DNAH8: variants seen among roughly 807,000 people sequenced by gnomAD.
DNAH8 encodes the protein axonemal beta dynein heavy chain 8.
DNAH8 carries 382 observed loss-of-function variants against 562.1 expected under a neutral mutation model. That is an observed-to-expected ratio of 0.68 (90% CI 0.63 to 0.74). DNAH8 has a LOEUF of 0.74. Ranked by LOEUF, DNAH8 falls within the 30% of genes least tolerant of loss-of-function variation. DNAH8 has a pLI of 0.00. For missense variants in DNAH8, 5,203 were observed against 5,620.4 expected, an observed-to-expected ratio of 0.93 and a Z score of 2.37; for synonymous variants, 1,881 against 1,919.4, an observed-to-expected ratio of 0.98 and a Z score of 0.52.
intron 11 of DNAH8, among the ~76,000 whole-genome samples, chr6:38,762,441 T>C (rs930447699): frequency 2.6e-5 from 4 of 152,216 alleles, no homozygotes; most frequent in African/African-American, 9.6e-5. Context: ...GTGGTGTAAT[T>C]ATCTTTTTAA....
intron 15 of DNAH8, 66 bp from the exon 16 acceptor site, chr6:38,781,188 T>C: frequency 6.6e-7 from 1 of 1,506,038 alleles, no homozygotes. Flanking sequence ...CAAATATAGC[T>C]GTATATATTT....
chr6:38,751,863 T>C (rs1765486389), intron 9 of DNAH8, among the ~76,000 whole-genome samples: 1 of 152,214 alleles, frequency 6.6e-6, no homozygotes, highest in Non-Finnish European at 1.5e-5. Flanking sequence ...TGTAAATCAT[T>C]TGTAGGCAGG....
chr6:38,779,405 C>T (rs193042401), intron 14 of DNAH8, among the ~76,000 whole-genome samples: 1 of 152,314 alleles, frequency 6.6e-6, no homozygotes, highest in African/African-American at 2.4e-5. Context: ...CTCTCTCTCT[C>T]TCTTTTTACC....
At chr6:39,007,939 C>A (rs78557337) in intron 88 of DNAH8, among the ~76,000 whole-genome samples, 1 of 79,062 alleles carries the variant, frequency 1.3e-5, no homozygotes, top group East Asian at 3.3e-4. Context: ...GCCCCACCCC[C>A]CACCCACCCA....
At chr6:38,962,659 T>C (rs975288566) in intron 82 of DNAH8, among the ~76,000 whole-genome samples, 27 of 152,232 alleles carry the variant, frequency 1.8e-4, no homozygotes, top group African/African-American at 6.3e-4. Flanking sequence ...AAATAAACTA[T>C]AAAACAAGAA....
chr6:38,802,214 G>A (rs1770840545), intron 21 of DNAH8, among the ~76,000 whole-genome samples: 1 of 151,990 alleles, frequency 6.6e-6, no homozygotes, highest in South Asian at 2.1e-4. Context: ...AGGATTACAG[G>A]TATGAGCCAC....
rs959744646 is a variant in DNAH8, at chr6:38,896,325, G to A, written c.8940+100G>A. 15 of 996,558 alleles carry A rather than the reference G, an allele frequency of 1.5e-5. No homozygotes were observed. In the East Asian group the frequency reaches 3.6e-4, roughly 24 times the overall value. The allele number at this position is 996,558 out of a possible 1,614,324, so 61.7% of individuals were successfully genotyped here. Reference sequence around the variant, plus strand: ...CTACCATGGAGTTGCTATAATTCCAGCACTTTGGGAGGCTGAGGTGGGAGG... The same window carrying A: ...CTACCATGGAGTTGCTATAATTCCAACACTTTGGGAGGCTGAGGTGGGAGG... On this transcript the variant is annotated intron_variant, in intron 60 of 92. Coordinates refer to ENST00000327475, the MANE Select transcript of DNAH8 (RefSeq NM_001206927.2).
intron 21 of DNAH8, among the ~76,000 whole-genome samples, chr6:38,793,819 C>T (rs1304371514): frequency 1.3e-5 from 2 of 151,920 alleles, no homozygotes; most frequent in Non-Finnish European, 2.9e-5. Context: ...AACATAATTT[C>T]ACTATCTGAA....
rs767495914 is a variant in DNAH8 at position 38,815,452 on chromosome 6, T to TTTC, written c.3334-10_3334-8dup. 15 of 1,603,508 alleles carry TTTC rather than the reference T, an allele frequency of 9.4e-6. No individual in the cohort carries two copies. Among genetic ancestry groups the TTTC allele is most frequent in the Non-Finnish European group, 1.2e-5 (14 of 1,171,190 alleles). ...ATGTGCCGGCAGTATTACACATTTG[T>TTTC]TTCTTCTTTCCACAGGTGATGATTC... On this transcript the variant is annotated splice_polypyrimidine_tract_variant and intron_variant, in intron 25 of 92. Coordinates refer to ENST00000327475, the MANE Select transcript of DNAH8 (RefSeq NM_001206927.2).
At chr6:38,820,489 C>T (rs1171324785) in intron 26 of DNAH8, among the ~76,000 whole-genome samples, 3 of 152,108 alleles carry the variant, frequency 2.0e-5, no homozygotes, top group African/African-American at 2.4e-5. Context: ...TATATTTAAA[C>T]CACCAGGGTA....
intron 91 of DNAH8, among the ~76,000 whole-genome samples, chr6:39,016,154 A>G (rs1214665397): frequency 2.6e-5 from 4 of 152,228 alleles, no homozygotes; most frequent in Non-Finnish European, 4.4e-5. Context: ...TGATCTCCCA[A>G]CATGAATGTA....
Position 38,770,571 on chromosome 6 carries a change from G to T in DNAH8, c.1764+12G>T. ...AAAGACTGGAGAAGGTAAGCATTATGCAGTCATCGTACCCCACTCCACACC... is the reference window on the plus strand; with the variant it reads ...AAAGACTGGAGAAGGTAAGCATTATTCAGTCATCGTACCCCACTCCACACC... On this transcript the variant is annotated intron_variant, in intron 12 of 92. Coordinates refer to ENST00000327475, the MANE Select transcript of DNAH8 (RefSeq NM_001206927.2). 1 of 1,583,260 alleles carries T rather than the reference G, an allele frequency of 6.3e-7. No homozygotes were observed.
intron 63 of DNAH8, 63 bp downstream of exon 63, chr6:38,906,470 A>G (rs1752339422): frequency 1.5e-6 from 2 of 1,303,872 alleles, no homozygotes; most frequent in Non-Finnish European, 2.0e-6. Context: ...TGGAATAGAA[A>G]AAGCAGCAAC....
At chr6:38,879,139 G>A (rs1467502565) in intron 53 of DNAH8, among the ~76,000 whole-genome samples, 1 of 152,016 alleles carries the variant, frequency 6.6e-6, no homozygotes, top group Admixed American at 6.5e-5. Context: ...GATTTTATTG[G>A]TGAATTCGAC....
chr6:38,915,135 A>G, intron 67 of DNAH8, 66 bp from the exon 68 acceptor site: 2 of 1,347,248 alleles, frequency 1.5e-6, no homozygotes, highest in Non-Finnish European at 2.1e-6. Flanking sequence ...TTTGCTCACT[A>G]TTCAGATCTA....
chr6:38,761,846 C>T, intron 11 of DNAH8, 43 bp downstream of exon 11: 1 of 1,193,306 alleles, frequency 8.4e-7, no homozygotes, highest in Non-Finnish European at 1.2e-6. Context: ...AATCTTTTCC[C>T]ATCCTGCCCA....
chr6:38,889,517 T>G (rs1194066801), intron 57 of DNAH8, among the ~76,000 whole-genome samples: 3 of 152,190 alleles, frequency 2.0e-5, no homozygotes, highest in Admixed American at 2.0e-4. Context: ...GTTTGTTATT[T>G]GTTAAGCTAT....
At chr6:38,829,621 C>G (rs1773661884) in intron 30 of DNAH8, among the ~76,000 whole-genome samples, 1 of 152,142 alleles carries the variant, frequency 6.6e-6, no homozygotes, top group South Asian at 2.1e-4. Flanking sequence ...GTCTTGGTAG[C>G]CTTGCTGAAA....
At chr6:38,931,744 A>C in intron 75 of DNAH8, 67 bp from the exon 76 acceptor site, 1 of 1,082,828 alleles carries the variant, frequency 9.2e-7, no homozygotes, top group Non-Finnish European at 1.3e-6. Flanking sequence ...ATTCTTTTCT[A>C]AATTGAACCC....
Sources: allele counts gnomAD v4.1 joint callset (sites outside exome capture counted in the v4.1 genomes callset), GRCh38; gene constraint gnomAD v4.1.1; transcripts MANE v1.5; gene names NCBI Gene and HGNC (gene_info 2026-07-23, HGNC 2026-07-21).